MEI4: variants seen among roughly 807,000 people sequenced by gnomAD.
MEI4 encodes meiotic double-stranded break formation protein 4, also known as meiosis-specific protein MEI4.
Under a neutral mutation model 31.4 loss-of-function variants are expected in MEI4, and 27 were observed. The observed-to-expected ratio is 0.86, with a 90% CI of 0.63 to 1.19. The LOEUF (loss-of-function observed/expected upper bound fraction) is 1.19, where lower values mean the gene tolerates loss of function less well. MEI4 is among the 50% of genes most tolerant of loss of function. The probability of loss-of-function intolerance (pLI) is 0.00; values close to 1 mark genes in which losing one functional copy is unlikely to be tolerated. For synonymous variants in MEI4, 122 were observed against 145.4 expected (o/e 0.84, Z 1.16); for missense variants, 329 against 398.9 (o/e 0.82, Z 1.49).
chr6:77,798,194 T>G (rs1179229570), intron 3 of MEI4, among the ~76,000 whole-genome samples: 2 of 151,308 alleles, frequency 1.3e-5, no homozygotes, highest in African/African-American at 4.9e-5. Context: ...CAGGTAAATA[T>G]AAAATGTATA....
intron 3 of MEI4, among the ~76,000 whole-genome samples, chr6:77,763,889 C>T (rs1312666752): frequency 6.6e-6 from 1 of 152,086 alleles, no homozygotes; most frequent in African/African-American, 2.4e-5. Flanking sequence ...TCTTGGCTCA[C>T]TGCAACCTCC....
chr6:77,682,406 A>G (rs1340473954), intron 1 of MEI4, among the ~76,000 whole-genome samples: 1 of 152,156 alleles, frequency 6.6e-6, no homozygotes, highest in Non-Finnish European at 1.5e-5. Context: ...TTCTTTACTC[A>G]ATAATTATTT....
upstream of MEI4, among the ~76,000 whole-genome samples, chr6:77,650,539 G>T (rs1277991725): frequency 6.6e-6 from 1 of 152,204 alleles, no homozygotes; most frequent in Non-Finnish European, 1.5e-5. Context: ...TCCCGTGCCC[G>T]CTTGAGGGCG....
chr6:77,803,523 G>A (rs533887377), intron 3 of MEI4, among the ~76,000 whole-genome samples: 38 of 152,282 alleles, frequency 2.5e-4, no homozygotes, highest in Admixed American at 2.0e-3. Context: ...GAGGAACTTC[G>A]TTCCTTTGGT....
At chr6:77,913,769 TCACTCCTGTAATCCCAG>T (rs1766482162) in intron 4 of MEI4, among the ~76,000 whole-genome samples, 1 of 151,762 alleles carries the variant, frequency 6.6e-6, no homozygotes, top group South Asian at 2.1e-4. Flanking sequence ...GCACGGTGGC[TCACTCCTGTAATCCCAG>T]CACTTTGGGA....
chr6:77,878,789 G>A (rs1771406389), intron 4 of MEI4, among the ~76,000 whole-genome samples: 2 of 152,086 alleles, frequency 1.3e-5, no homozygotes, highest in Admixed American at 1.3e-4. Flanking sequence ...AAACTGTCAA[G>A]TCAAAAAATC....
At chr6:77,908,067 G>A (rs1464980534) in intron 4 of MEI4, among the ~76,000 whole-genome samples, 3 of 151,174 alleles carry the variant, frequency 2.0e-5, no homozygotes, top group African/African-American at 4.9e-5. Flanking sequence ...CAGATGAGTA[G>A]ATTGCAAAAA....
At chr6:77,894,394 TA>T (rs529039006) in intron 4 of MEI4, among the ~76,000 whole-genome samples, 89 of 151,980 alleles carry the variant, frequency 5.9e-4, no homozygotes, top group Non-Finnish European at 9.7e-4. Context: ...TATTTTTTTT[TA>T]AAAAAAAGAA....
rs1247876878 is a variant in MEI4, at chr6:77,680,128, A to AAAAAAAAAT, written c.-14-10529_-14-10528insAAAAAAATA. Among the ~76,000 whole-genome samples, 3 of 115,508 alleles carry AAAAAAAAAT rather than the reference A, an allele frequency of 2.6e-5. 1 individual carries two copies. The highest frequency in any genetic ancestry group is 1.8e-4 in the Admixed American group (2 of 11,328). The allele number at this position is 115,508 out of a possible 152,430, so 75.8% of individuals were successfully genotyped here. On this transcript the variant is annotated intron_variant, in intron 1 of 4. Coordinates refer to ENST00000684080, the MANE Select transcript of MEI4 (RefSeq NM_001322247.2). The stretch of plus-strand genomic sequence containing the variant: ...CTACTAAAAATACAAAAAAAAAAAA[A>AAAAAAAAAT]ATTAGCTGGGCGTGATGGCGGGCGC...
intron 4 of MEI4, among the ~76,000 whole-genome samples, chr6:77,894,224 T>C (rs1336037813): frequency 6.6e-6 from 1 of 150,706 alleles, no homozygotes; most frequent in Non-Finnish European, 1.5e-5. Context: ...TACTTTTTCT[T>C]TATGCAGAAA....
chr6:77,832,464 TTATCATAAATATTTACTGAGAAG>T (rs1429394239), intron 4 of MEI4, among the ~76,000 whole-genome samples: 1 of 152,038 alleles, frequency 6.6e-6, no homozygotes, highest in East Asian at 1.9e-4. Context: ...ATAATAATTA[TTATCATAAATATTTACTGAGAAG>T]CCTTATGTGT....
intron 3 of MEI4, among the ~76,000 whole-genome samples, chr6:77,791,235 T>C (rs1192536545): frequency 6.6e-6 from 1 of 152,166 alleles, no homozygotes; most frequent in South Asian, 2.1e-4. Context: ...TGCACACGTA[T>C]GTTTATTGCG....
intron 3 of MEI4, among the ~76,000 whole-genome samples, chr6:77,797,810 T>G (rs1341525862): frequency 6.6e-6 from 1 of 152,098 alleles, no homozygotes; most frequent in Non-Finnish European, 1.5e-5. Context: ...GGGTGGGTCT[T>G]CATCTGCCAG....
chr6:77,702,996 G>A (rs918386910), intron 2 of MEI4, among the ~76,000 whole-genome samples: 30 of 152,200 alleles, frequency 2.0e-4, no homozygotes, highest in Admixed American at 7.8e-4. Context: ...CCTGATGTGG[G>A]TCCCCATTAT....
At chr6:77,915,146 A>G (rs1238166563) in intron 4 of MEI4, among the ~76,000 whole-genome samples, 1 of 151,576 alleles carries the variant, frequency 6.6e-6, no homozygotes, top group Non-Finnish European at 1.5e-5. Flanking sequence ...CCTTTTATCT[A>G]TTTGCTTTCT....
rs1304618697 is a variant in MEI4, at chr6:77,923,606, T to A, written c.*260T>A. On this transcript the variant is annotated 3_prime_UTR_variant, in exon 5 of 5. Transcript: ENST00000684080. ...CTGTATCTTATTTCACTCAATATAG[T>A]TTAGCTCTATTATTCTGTAAAATGG... The A allele has an allele frequency of 4.2e-6, 1 of 235,692 alleles. No homozygotes were observed. The highest frequency in any genetic ancestry group is 8.1e-6 in the Non-Finnish European group (1 of 122,930). 14.6% of individuals were successfully genotyped at this position (235,692 alleles called of 1,614,324 possible).
At chr6:77,869,754 G>GTA (rs1368806786) in intron 4 of MEI4, among the ~76,000 whole-genome samples, 3 of 152,152 alleles carry the variant, frequency 2.0e-5, no homozygotes, top group East Asian at 1.9e-4. Context: ...CCAAGATGAA[G>GTA]TAAAGGAGTG....
At chr6:77,865,126 G>A (rs1000925384) in intron 4 of MEI4, among the ~76,000 whole-genome samples, 2 of 152,116 alleles carry the variant, frequency 1.3e-5, no homozygotes, top group African/African-American at 4.8e-5. Context: ...ACAAGAGAAA[G>A]CAGAAAAGAT....
intron 1 of MEI4, among the ~76,000 whole-genome samples, chr6:77,668,977 A>G (rs1768687612): frequency 6.6e-6 from 1 of 152,190 alleles, no homozygotes; most frequent in African/African-American, 2.4e-5. Flanking sequence ...TGACAAAAGA[A>G]TGATGATGAA....
Sources: allele counts gnomAD v4.1 joint callset (sites outside exome capture counted in the v4.1 genomes callset), GRCh38; gene constraint gnomAD v4.1.1; transcripts MANE v1.5; gene names NCBI Gene and HGNC (gene_info 2026-07-23, HGNC 2026-07-21).